CCSER1: variants seen among roughly 807,000 people sequenced by gnomAD.
CCSER1 encodes the protein serine-rich coiled-coil domain-containing protein 1.
Under a neutral mutation model 82.0 loss-of-function variants are expected in CCSER1, and 41 were observed. That is an observed-to-expected ratio of 0.50 (90% CI 0.39 to 0.65). The LOEUF (loss-of-function observed/expected upper bound fraction) is 0.65. Among genes scored for constraint, CCSER1 ranks in the 30% least tolerant of loss-of-function variants. The pLI is 0.00. For missense variants in CCSER1, 1,119 were observed against 1,064.2 expected (o/e 1.05, Z -0.72); for synonymous variants, 414 against 383.9 (o/e 1.08, Z -0.92).
At chr4:90,789,398 G>A (rs2149651922) in intron 7 of CCSER1, among the ~76,000 whole-genome samples, 1 of 151,922 alleles carries the variant, frequency 6.6e-6, no homozygotes, top group South Asian at 2.1e-4. Context: ...TTTTTCAACT[G>A]TTTATTTTCT....
At chr4:90,839,212 A>T (rs1762247168) in intron 8 of CCSER1, among the ~76,000 whole-genome samples, 2 of 152,364 alleles carry the variant, frequency 1.3e-5, no homozygotes, top group South Asian at 2.1e-4. Flanking sequence ...TATTATCTAG[A>T]TTGAGAATCT....
At chr4:91,487,660 C>T (rs541403150) in intron 10 of CCSER1, among the ~76,000 whole-genome samples, 2 of 152,026 alleles carry the variant, frequency 1.3e-5, no homozygotes, top group Non-Finnish European at 2.9e-5. Flanking sequence ...TATTATGTAA[C>T]TCTCAAATTT....
chr4:90,861,675 G>C (rs1318726390), intron 8 of CCSER1, among the ~76,000 whole-genome samples: 2 of 151,588 alleles, frequency 1.3e-5, no homozygotes, highest in Non-Finnish European at 3.0e-5. Flanking sequence ...TTCTTGTAGA[G>C]TTATCACAAC....
chr4:91,530,887 A>G (rs1760995846), intron 10 of CCSER1, among the ~76,000 whole-genome samples: 2 of 151,988 alleles, frequency 1.3e-5, no homozygotes, highest in South Asian at 4.1e-4. Flanking sequence ...GGGTTTCTCC[A>G]TGTTGATCAG....
At chr4:90,168,215 CT>C (rs1246854061) in intron 1 of CCSER1, among the ~76,000 whole-genome samples, 4 of 152,152 alleles carry the variant, frequency 2.6e-5, no homozygotes, top group African/African-American at 9.7e-5. Context: ...TTGCATTTCT[CT>C]GATGGCCAGT....
chr4:91,390,674 T>C (rs916741852), intron 10 of CCSER1, among the ~76,000 whole-genome samples: 3 of 152,032 alleles, frequency 2.0e-5, no homozygotes, highest in African/African-American at 7.2e-5. Context: ...TCTCCTTAGA[T>C]GTTTGGTAGA....
chr4:91,413,935 A>G (rs1489547151), intron 10 of CCSER1, among the ~76,000 whole-genome samples: 1 of 152,108 alleles, frequency 6.6e-6, no homozygotes, highest in Non-Finnish European at 1.5e-5. Context: ...GAAATACTAT[A>G]CCAAGAAAAG....
At chr4:90,166,849 T>C (rs773856237) in intron 1 of CCSER1, among the ~76,000 whole-genome samples, 2 of 152,150 alleles carry the variant, frequency 1.3e-5, no homozygotes, top group South Asian at 2.1e-4. Flanking sequence ...ACATAGGTTG[T>C]GTAATTAATT....
At chr4:90,692,380 C>T (rs771315224) in intron 6 of CCSER1, among the ~76,000 whole-genome samples, 2 of 151,628 alleles carry the variant, frequency 1.3e-5, no homozygotes, top group African/African-American at 2.4e-5. Context: ...TCCAAGAGCC[C>T]GTTTCACCTC....
chr4:91,206,368 C>T (rs187995506), intron 10 of CCSER1, among the ~76,000 whole-genome samples: 4 of 152,004 alleles, frequency 2.6e-5, no homozygotes, highest in African/African-American at 9.6e-5. Flanking sequence ...ATGCAATTAG[C>T]CTCCTCTGCC....
At chr4:90,833,699 T>C (rs1291063913) in intron 8 of CCSER1, among the ~76,000 whole-genome samples, 1 of 152,184 alleles carries the variant, frequency 6.6e-6, no homozygotes, top group Non-Finnish European at 1.5e-5. Flanking sequence ...ACATTTGTAA[T>C]CTCTCAATTA....
intron 9 of CCSER1, among the ~76,000 whole-genome samples, chr4:91,042,748 A>G (rs1742079641): frequency 6.6e-6 from 1 of 152,204 alleles, no homozygotes; most frequent in South Asian, 2.1e-4. Context: ...AGAAGAATGA[A>G]TTTCCAGCAG....
intron 6 of CCSER1, chr4:90,663,752 C>A: frequency 6.0e-6 from 1 of 165,938 alleles, no homozygotes. Flanking sequence ...ATGTTATTTC[C>A]CATTGCAATA....
chr4:90,270,755 A>C (rs982525677), intron 1 of CCSER1, among the ~76,000 whole-genome samples: 3 of 152,130 alleles, frequency 2.0e-5, no homozygotes, highest in African/African-American at 7.2e-5. Flanking sequence ...TAAAGACTTC[A>C]AAAATCTATT....
At chr4:90,333,892 A>G (rs939851976) in intron 3 of CCSER1, among the ~76,000 whole-genome samples, 2 of 152,338 alleles carry the variant, frequency 1.3e-5, no homozygotes, top group African/African-American at 2.4e-5. Context: ...AGACAAAAAC[A>G]TTTGTATCAT....
At chr4:90,523,196 G>A (rs1176477815) in intron 5 of CCSER1, among the ~76,000 whole-genome samples, 1 of 152,068 alleles carries the variant, frequency 6.6e-6, no homozygotes, top group African/African-American at 2.4e-5. Flanking sequence ...CAGAAATAAT[G>A]AATATATTTG....
At chr4:90,804,234 GT>G (rs1757210691) in intron 7 of CCSER1, among the ~76,000 whole-genome samples, 1 of 151,958 alleles carries the variant, frequency 6.6e-6, no homozygotes, top group Non-Finnish European at 1.5e-5. Context: ...CCATTTGTCA[GT>G]TTTGGCTTTT....
At chr4:91,541,552 T>C (rs922518241) in intron 10 of CCSER1, among the ~76,000 whole-genome samples, 1 of 152,198 alleles carries the variant, frequency 6.6e-6, no homozygotes, top group Non-Finnish European at 1.5e-5. Flanking sequence ...ACAAAGGACA[T>C]GAACTCATCC....
intron 10 of CCSER1, among the ~76,000 whole-genome samples, chr4:91,511,210 C>A (rs1759803577): frequency 6.6e-6 from 1 of 151,990 alleles, no homozygotes; most frequent in Non-Finnish European, 1.5e-5. Context: ...TAGTACCATG[C>A]TGTTTTGTTA....
Sources: gnomAD v4.1 joint callset for allele counts (sites outside exome capture counted in the v4.1 genomes callset) on GRCh38, gnomAD v4.1.1 for gene constraint, MANE v1.5 for transcripts, NCBI Gene and HGNC (gene_info 2026-07-23, HGNC 2026-07-21) for gene names.